Variants in NPAS3 observed in about 807,000 individuals in gnomAD.
The protein encoded by NPAS3 is neuronal PAS domain protein 3, also known as neuronal PAS domain-containing protein 3.
A neutral mutation model predicts 73.1 loss-of-function variants in NPAS3; 14 were observed. The ratio of observed to expected loss-of-function variants is 0.19; its 90% CI spans 0.13 to 0.30. The LOEUF is 0.30. Ranked by LOEUF, NPAS3 falls within the 10% of genes least tolerant of loss-of-function variation. The pLI is 1.00. For missense variants in NPAS3, 1,096 were observed against 1,250.0 expected (o/e 0.88, Z 1.86); for synonymous variants, 620 against 541.5 (o/e 1.14, Z -2.01).
chr14:33,231,373 C>A (rs1270538215), intron 3 of NPAS3, among the ~76,000 whole-genome samples: 1 of 152,048 alleles, frequency 6.6e-6, no homozygotes, highest in East Asian at 1.9e-4. Flanking sequence ...AATGAAAAAT[C>A]TATAAACAAT....
intron 3 of NPAS3, among the ~76,000 whole-genome samples, chr14:33,332,786 A>G (rs548211197): frequency 6.6e-6 from 1 of 152,334 alleles, no homozygotes; most frequent in African/African-American, 2.4e-5. Flanking sequence ...CCCAGGTGCC[A>G]AGCAAACACG....
intron 1 of NPAS3, among the ~76,000 whole-genome samples, chr14:33,013,855 AC>A (rs1449163331): frequency 1.3e-5 from 2 of 152,164 alleles, no homozygotes; most frequent in Non-Finnish European, 2.9e-5. Context: ...GTAAATTTAG[AC>A]AGGTGGAATA....
At chr14:33,678,861 C>T (rs1566412446) in intron 6 of NPAS3, among the ~76,000 whole-genome samples, 1 of 152,070 alleles carries the variant, frequency 6.6e-6, no homozygotes, top group Non-Finnish European at 1.5e-5. Flanking sequence ...TAAGAACTCT[C>T]ATAAATCCCA....
At chr14:33,190,091 G>A (rs191361186) in intron 2 of NPAS3, among the ~76,000 whole-genome samples, 28 of 152,228 alleles carry the variant, frequency 1.8e-4, no homozygotes, top group Admixed American at 1.7e-3. Flanking sequence ...AAAATGCATA[G>A]AAATACTTAT....
At chr14:33,116,066 A>G (rs2043056134) in intron 2 of NPAS3, among the ~76,000 whole-genome samples, 1 of 152,078 alleles carries the variant, frequency 6.6e-6, no homozygotes, top group Admixed American at 6.6e-5. Context: ...AAAAAAGAAA[A>G]AAGAGTCAGC....
rs369215433 is a variant in NPAS3, at chr14:33,135,907, T to C, written c.141-79275T>C. Among the ~76,000 whole-genome samples the C allele has an allele frequency of 3.4e-4, 52 of 152,246 alleles. No homozygotes were observed. In the South Asian group the frequency reaches 7.0e-3, roughly 21 times the overall value. On this transcript the variant is annotated intron_variant, in intron 2 of 11. Transcript: ENST00000356141. The stretch of plus-strand genomic sequence containing the variant: ...GTGGAGGACACTTTTTACAGTGAAA[T>C]AGACCTCATGTAATTGGAATGGATC...
chr14:33,709,059 G>C lies in NPAS3; in HGVS notation c.734-26155G>C, dbSNP rs149286311. ...TAGATCGGAAAGCCCAAGTGAGATG[G>C]TGTTACCCCCATATATTTATTGATT... On this transcript the variant is annotated intron_variant, in intron 6 of 11. Transcript: ENST00000356141. Among the ~76,000 whole-genome samples, 591 of 152,294 alleles carry C rather than the reference G, an allele frequency of 3.9e-3. 3 individuals are homozygous for C. The highest frequency in any genetic ancestry group is 5.7e-3 in the Non-Finnish European group (385 of 68,028).
chr14:33,213,161 C>A (rs932958576), intron 2 of NPAS3, among the ~76,000 whole-genome samples: 2 of 152,250 alleles, frequency 1.3e-5, no homozygotes. Flanking sequence ...CACTCACTGA[C>A]ATTCCCTGCC....
chr14:32,981,939 C>A (rs2037915008), intron 1 of NPAS3, among the ~76,000 whole-genome samples: 2 of 152,232 alleles, frequency 1.3e-5, no homozygotes, highest in African/African-American at 2.4e-5. Context: ...CATTCCTTTT[C>A]ATCTCTTCTT....
At chr14:32,949,957 T>C (rs1031784072) in intron 1 of NPAS3, among the ~76,000 whole-genome samples, 5 of 152,054 alleles carry the variant, frequency 3.3e-5, no homozygotes, top group African/African-American at 1.2e-4. Flanking sequence ...TTTGGAATTT[T>C]TGGTTTATTA....
At chr14:33,388,603 T>G (rs759250340) in intron 4 of NPAS3, among the ~76,000 whole-genome samples, 1 of 152,152 alleles carries the variant, frequency 6.6e-6, no homozygotes, top group Non-Finnish European at 1.5e-5. Flanking sequence ...AGTTATAACT[T>G]GAGGCTCGAG....
At chr14:33,257,319 C>A (rs532334146) in intron 3 of NPAS3, among the ~76,000 whole-genome samples, 1 of 152,236 alleles carries the variant, frequency 6.6e-6, no homozygotes, top group African/African-American at 2.4e-5. Context: ...TCTCTTGGTG[C>A]CTTCACCATA....
Position 33,050,102 on chromosome 14 carries a change from G to A in NPAS3, c.51-5803G>A, listed in dbSNP as rs570731001. On this transcript the variant is annotated intron_variant, in intron 1 of 11. Coordinates refer to ENST00000356141, the Ensembl canonical transcript of NPAS3. ...AGTCTAATTGGAATCAGACTCCTAG[G>A]TCACGTTAAAAGTCAAAGTCAACTC... 1.3e-3 allele frequency among the ~76,000 whole-genome samples: 205 copies of A among 152,192 alleles called. 1 individual carries two copies. Among genetic ancestry groups the A allele is most frequent in the African/African-American group, 4.8e-3 (198 of 41,522 alleles).
intron 5 of NPAS3, among the ~76,000 whole-genome samples, chr14:33,624,434 ATGT>A (rs928067652): frequency 2.0e-5 from 3 of 152,180 alleles, no homozygotes; most frequent in African/African-American, 7.2e-5. Flanking sequence ...TTGACATAAA[ATGT>A]TGTGTTCATC....
At chr14:32,984,671 T>C (rs10151545) in intron 1 of NPAS3, among the ~76,000 whole-genome samples, 28,091 of 152,176 alleles carry the variant, frequency 0.18, 3,289 homozygotes, top group African/African-American at 0.33. Context: ...ATTGTGTTTG[T>C]ATGTGTTTTT....
intron 1 of NPAS3, among the ~76,000 whole-genome samples, chr14:33,037,424 A>G (rs2040204780): frequency 6.6e-6 from 1 of 151,434 alleles, no homozygotes. Flanking sequence ...GCAGGAGGAT[A>G]GTTTGAGCCC....
At chr14:32,949,341 G>A (rs1439902916) in intron 1 of NPAS3, among the ~76,000 whole-genome samples, 2 of 151,878 alleles carry the variant, frequency 1.3e-5, no homozygotes, top group African/African-American at 4.8e-5. Context: ...TGAAAGTGTA[G>A]GTCAATGAGG....
chr14:33,002,485 G>A (rs1269290843), intron 1 of NPAS3, among the ~76,000 whole-genome samples: 2 of 152,154 alleles, frequency 1.3e-5, no homozygotes, highest in Non-Finnish European at 2.9e-5. Context: ...GTTGCAAATA[G>A]ACAAATACAT....
chr14:33,099,117 T>C (rs1412429293), intron 2 of NPAS3, among the ~76,000 whole-genome samples: 2 of 152,178 alleles, frequency 1.3e-5, no homozygotes, highest in African/African-American at 4.8e-5. Flanking sequence ...CATAGAACAA[T>C]AGCAGTTTCC....
Sources: gnomAD v4.1 joint callset for allele counts (sites outside exome capture counted in the v4.1 genomes callset) on GRCh38, gnomAD v4.1.1 for gene constraint, MANE v1.5 for transcripts, NCBI Gene and HGNC (gene_info 2026-07-23, HGNC 2026-07-21) for gene names.